Variants in POLK observed in about 807,000 individuals in gnomAD.
POLK encodes DNA polymerase kappa.
POLK carries 76 observed loss-of-function variants against 94.0 expected under a neutral mutation model. That is an observed-to-expected ratio of 0.81 (90% CI 0.67 to 0.98). POLK has a LOEUF of 0.98. Among genes scored for constraint, POLK ranks in the 50% least tolerant of loss-of-function variants. The probability of loss-of-function intolerance (pLI) is 0.00; values close to 1 mark genes in which losing one functional copy is unlikely to be tolerated. For missense variants in POLK, 954 were observed against 1,010.1 expected (o/e 0.94, Z 0.75); for synonymous variants, 349 against 325.4 (o/e 1.07, Z -0.78).
intron 1 of POLK, among the ~76,000 whole-genome samples, chr5:75,543,813 C>G (rs933596112): frequency 3.9e-5 from 6 of 152,082 alleles, no homozygotes; most frequent in Non-Finnish European, 7.4e-5. Context: ...AAAACCAACT[C>G]TTAGAGTTTT....
downstream of POLK, among the ~76,000 whole-genome samples, chr5:75,604,812 T>C (rs779657833): frequency 6.6e-5 from 10 of 152,242 alleles, no homozygotes; most frequent in Non-Finnish European, 1.5e-4. Flanking sequence ...AAAACTGTTC[T>C]TTAATTGTAT....
At chr5:75,510,995 C>G, upstream of POLK, 13 of 1,341,844 alleles carry the variant, frequency 9.7e-6, no homozygotes, top group Non-Finnish European at 1.3e-5. Flanking sequence ...CAGCAACACT[C>G]AGCCTCGCAC....
chr5:75,602,664 A>G (rs1773320675), downstream of POLK, among the ~76,000 whole-genome samples: 1 of 152,224 alleles, frequency 6.6e-6, no homozygotes, highest in South Asian at 2.1e-4. Flanking sequence ...CTCAAGGAGG[A>G]TGGGCTATGC....
intron 3 of POLK, among the ~76,000 whole-genome samples, chr5:75,559,492 T>C (rs1474226925): frequency 6.6e-6 from 1 of 151,646 alleles, no homozygotes; most frequent in Non-Finnish European, 1.5e-5. Context: ...GGCAATTTAT[T>C]GATTTGGGGT....
intron 4 of POLK, among the ~76,000 whole-genome samples, chr5:75,570,824 CTGAG>C (rs1771549946): frequency 6.6e-6 from 1 of 152,176 alleles, no homozygotes; most frequent in African/African-American, 2.4e-5. Context: ...CTAATTCTTA[CTGAG>C]TGATTATTTT....
chr5:75,596,670 C>A, exon 13 of POLK: 2 of 1,613,880 alleles, frequency 1.2e-6, no homozygotes, highest in South Asian at 1.1e-5. Context: ...TTAAAATGTT[C>A]TCGTGTTCAC....
At chr5:75,568,954 A>G (rs999104673) in intron 3 of POLK, among the ~76,000 whole-genome samples, 1 of 152,214 alleles carries the variant, frequency 6.6e-6, no homozygotes, top group African/African-American at 2.4e-5. Context: ...CAGTTGGATT[A>G]GATCATTCAT....
chr5:75,560,917 G>A (rs191294146), intron 3 of POLK, among the ~76,000 whole-genome samples: 1 of 152,244 alleles, frequency 6.6e-6, no homozygotes, highest in East Asian at 1.9e-4. Flanking sequence ...GTCTATCATT[G>A]ATGGGCATTT....
At chr5:75,597,492 T>C (rs1773154391) in intron 13 of POLK, 1 of 404,536 alleles carries the variant, frequency 2.5e-6, no homozygotes, top group Non-Finnish European at 4.3e-6. Flanking sequence ...TAACTATAAC[T>C]GCATAACTAG....
At chr5:75,585,614 C>T (rs1440033972) in intron 9 of POLK, among the ~76,000 whole-genome samples, 1 of 152,002 alleles carries the variant, frequency 6.6e-6, no homozygotes, top group African/African-American at 2.4e-5. Flanking sequence ...GGAGGAAATA[C>T]CCTGGGTTTT....
At chr5:75,544,619 G>A (rs1769919464) in intron 1 of POLK, among the ~76,000 whole-genome samples, 1 of 152,022 alleles carries the variant, frequency 6.6e-6, no homozygotes, top group Non-Finnish European at 1.5e-5. Flanking sequence ...TCCAGCCTGG[G>A]TGACAGAGTG....
intron 1 of POLK, among the ~76,000 whole-genome samples, chr5:75,543,835 T>G (rs761892919): frequency 2.0e-5 from 3 of 152,094 alleles, no homozygotes; most frequent in Non-Finnish European, 2.9e-5. Context: ...TGTTTGTTTG[T>G]TTGGTTTGGT....
chr5:75,568,218 G>A (rs957035338), intron 3 of POLK, among the ~76,000 whole-genome samples: 2 of 152,130 alleles, frequency 1.3e-5, no homozygotes, highest in Non-Finnish European at 2.9e-5. Context: ...GATCCTTTTA[G>A]TAATAGATGT....
At position 75,601,002 on chromosome 5, in the gene POLK, C is replaced by T. The variant is rs530970943; in HGVS notation, c.*2984C>T. The T allele has an allele frequency of 2.0e-5, 3 of 152,188 alleles. No homozygotes were observed. In the South Asian group the frequency reaches 6.2e-4, roughly 32 times the overall value. The allele number at this position is 152,188 out of a possible 1,614,324, so 9.4% of individuals were successfully genotyped here. On this transcript the variant is annotated 3_prime_UTR_variant, in exon 15 of 15. Transcript: ENST00000241436. ...GATTGGGGAGTGGCACCTGGTGCTTCTGGGATGCTGGCAATGTTCTATTTC... is the reference window on the plus strand; with the variant it reads ...GATTGGGGAGTGGCACCTGGTGCTTTTGGGATGCTGGCAATGTTCTATTTC...
chr5:75,518,002 G>A (rs1431907703), intron 1 of POLK, among the ~76,000 whole-genome samples: 2 of 152,148 alleles, frequency 1.3e-5, no homozygotes, highest in Admixed American at 6.5e-5. Flanking sequence ...TGATCATGAT[G>A]AAGGATCTTA....
chr5:75,561,592 C>T (rs1770981534), intron 3 of POLK, among the ~76,000 whole-genome samples: 1 of 152,106 alleles, frequency 6.6e-6, no homozygotes, highest in Non-Finnish European at 1.5e-5. Flanking sequence ...ATGCCTGTGT[C>T]CTGAATGGTA....
In POLK at chr5:75,579,486, C is replaced by G. The variant is rs1477723651; in HGVS notation, c.695-1723C>G. ...CTGGGTTGAAGTAATTCTCCTGCCC[C>G]AGCCTCCGGAGTAGCTGTGCGCCAC... On this transcript the variant is annotated intron_variant, in intron 6 of 14. Coordinates refer to ENST00000241436, the Ensembl canonical transcript of POLK. 2.6e-5 allele frequency among the ~76,000 whole-genome samples: 4 copies of G among 151,802 alleles called. 1 individual carries two copies. The South Asian group carries it at 8.3e-4, about 32-fold the overall frequency.
chr5:75,578,523 A>G (rs1772029766), intron 6 of POLK, among the ~76,000 whole-genome samples: 1 of 152,126 alleles, frequency 6.6e-6, no homozygotes, highest in South Asian at 2.1e-4. Flanking sequence ...TTTAATATCT[A>G]TTGCTTTTAA....
chr5:75,565,684 T>A (rs1246652292), intron 3 of POLK, among the ~76,000 whole-genome samples: 3 of 152,348 alleles, frequency 2.0e-5, no homozygotes, highest in East Asian at 3.9e-4. Flanking sequence ...CTCCAGACCC[T>A]GTTTGCCTGG....
Sources: allele counts gnomAD v4.1 joint callset (sites outside exome capture counted in the v4.1 genomes callset), GRCh38; gene constraint gnomAD v4.1.1; transcripts MANE v1.5; gene names NCBI Gene and HGNC (gene_info 2026-07-23, HGNC 2026-07-21).